The following NAV2 variants were observed in gnomAD, a reference collection of about 807,000 sequenced individuals.
The protein encoded by NAV2 is neuron navigator 2, also known as helicase, APC down-regulated 1.
In NAV2, 54 loss-of-function variants were observed where a neutral mutation model predicts 223.2. The ratio of observed to expected loss-of-function variants is 0.24; its 90% confidence interval spans 0.19 to 0.30. The LOEUF (loss-of-function observed/expected upper bound fraction) is 0.30. Ranked by LOEUF, NAV2 falls within the 10% of genes least tolerant of loss-of-function variation. The pLI is 1.00. For synonymous variants in NAV2, 1,279 were observed against 1,239.3 expected, an observed-to-expected ratio of 1.03 and a Z score of -0.67; for missense variants, 2,806 against 3,147.5, an observed-to-expected ratio of 0.89 and a Z score of 2.60.
chr11:20,053,032 C>T (rs1047694509), intron 17 of NAV2, among the ~76,000 whole-genome samples: 2 of 151,836 alleles, frequency 1.3e-5, no homozygotes, highest in Non-Finnish European at 2.9e-5. Context: ...GCCTGGCCAA[C>T]ATGGTAAAAC....
chr11:19,935,853 T>TTTTTTTTTG (rs1565594487), intron 7 of NAV2, among the ~76,000 whole-genome samples: 1 of 87,976 alleles, frequency 1.1e-5, no homozygotes, highest in Non-Finnish European at 2.4e-5. Flanking sequence ...TTGTTTCTGT[T>TTTTTTTTTG]TTTTTTTTTT....
In NAV2 at chr11:19,933,486, A is replaced by C; in HGVS notation, c.1242A>C (p.Ser414=). Residue 414 remains serine (S), a synonymous_variant, in exon 7 of 38, where the codon TCA becomes TCC. Transcript: ENST00000349880. The surrounding 1 kb of genome is among the most constrained non-coding windows in gnomAD (Gnocchi z 4.3). ...KLKLFNSKGG[S]KAGEGPGSRD... is the part of the protein sequence containing the mutation. ...AACTTTTCAACAGTAAAGGGGGCTCAAAGGCAGGTGAGGGGCCGGGGTCCC... is the reference window on the plus strand; with the variant it reads ...AACTTTTCAACAGTAAAGGGGGCTCCAAGGCAGGTGAGGGGCCGGGGTCCC... 6.2e-7 allele frequency: 1 copy of C among 1,611,056 alleles called. No individual in the cohort carries two copies. The highest frequency in any genetic ancestry group is 8.5e-7 in the Non-Finnish European group (1 of 1,178,812).
chr11:19,795,877 G>A (rs1394212565), intron 1 of NAV2, among the ~76,000 whole-genome samples: 1 of 152,202 alleles, frequency 6.6e-6, no homozygotes, highest in Admixed American at 6.5e-5. Flanking sequence ...CTTGGCCATA[G>A]GCATGGTTAG....
chr11:19,689,148 A>G (rs2049099996), intron 1 of NAV2, among the ~76,000 whole-genome samples: 1 of 152,172 alleles, frequency 6.6e-6, no homozygotes, highest in Non-Finnish European at 1.5e-5. Flanking sequence ...GTCAAGGCAA[A>G]GTTGCTCTAG....
chr11:19,618,435 T>C (rs1372197547), intron 1 of NAV2, among the ~76,000 whole-genome samples: 3 of 148,830 alleles, frequency 2.0e-5, no homozygotes, highest in African/African-American at 7.5e-5. Context: ...GATGGATGGA[T>C]GGACGGATGG....
chr11:20,108,304 C>G (rs2062316687), intron 36 of NAV2, among the ~76,000 whole-genome samples: 1 of 152,136 alleles, frequency 6.6e-6, no homozygotes, highest in South Asian at 2.1e-4. Flanking sequence ...GAATCCATGC[C>G]TTCTGGGTCA....
chr11:19,625,810 CA>C (rs1292120451), intron 1 of NAV2, among the ~76,000 whole-genome samples: 2 of 152,040 alleles, frequency 1.3e-5, no homozygotes, highest in African/African-American at 4.8e-5. Context: ...TGATGTTGAA[CA>C]TTTTTTTTCA....
At chr11:19,728,506 G>A (rs1394070558) in intron 1 of NAV2, among the ~76,000 whole-genome samples, 1 of 152,172 alleles carries the variant, frequency 6.6e-6, no homozygotes, top group East Asian at 1.9e-4. Context: ...GGAAAAGAGC[G>A]AGTGGTCATT....
At chr11:19,384,832 A>G (rs1382817662) in intron 1 of NAV2, 5 of 152,184 alleles carry the variant, frequency 3.3e-5, no homozygotes, top group Non-Finnish European at 7.3e-5. Flanking sequence ...GCTATCCCTG[A>G]GCTGGGACCC....
chr11:19,603,221 C>T (rs1031900152), intron 1 of NAV2, among the ~76,000 whole-genome samples: 1 of 152,116 alleles, frequency 6.6e-6, no homozygotes, highest in East Asian at 1.9e-4. Context: ...GTAAGCAGAT[C>T]CTTCTGGCTG....
intron 8 of NAV2, among the ~76,000 whole-genome samples, chr11:19,944,140 G>T (rs768695040): frequency 1.3e-5 from 2 of 152,204 alleles, no homozygotes; most frequent in African/African-American, 2.4e-5. Context: ...GGTGGAGGTT[G>T]CAGTGAGCTG....
At position 19,618,535 on chromosome 11, in the gene NAV2, TGGA is replaced by T. The variant is rs879662982; in HGVS notation, c.76-213948_76-213946del. On this transcript the variant is annotated intron_variant, in intron 1 of 37. Transcript: ENST00000360655. ...ATGGATGGATGGATGGATGGATGGATGGATGGGTCCCTGGTGACTCAAGGCTCA... is the reference window on the plus strand; with the variant it reads ...ATGGATGGATGGATGGATGGATGGATTGGGTCCCTGGTGACTCAAGGCTCA... Among the ~76,000 whole-genome samples the T allele has an allele frequency of 4.4e-3, 662 of 151,966 alleles. 1 individual carries two copies. Among genetic ancestry groups the T allele is most frequent in the Non-Finnish European group, 7.5e-3 (513 of 67,950 alleles).
chr11:19,866,497 A>G (rs2062101309), intron 3 of NAV2, among the ~76,000 whole-genome samples: 1 of 152,264 alleles, frequency 6.6e-6, no homozygotes, highest in Admixed American at 6.5e-5. Flanking sequence ...TTCTTTTAAT[A>G]GAATCGGACA....
chr11:19,517,381 T>C (rs1240084003), intron 1 of NAV2, among the ~76,000 whole-genome samples: 3 of 152,226 alleles, frequency 2.0e-5, no homozygotes, highest in Admixed American at 6.5e-5. Context: ...CTCTAGAGTT[T>C]TGATTTCTTC....
At chr11:19,624,691 C>A (rs2047111212) in intron 1 of NAV2, among the ~76,000 whole-genome samples, 1 of 152,210 alleles carries the variant, frequency 6.6e-6, no homozygotes, top group Non-Finnish European at 1.5e-5. Flanking sequence ...TTCCATGACC[C>A]CTTGTGCTTC....
chr11:19,906,313 G>C (rs761110176), intron 6 of NAV2, among the ~76,000 whole-genome samples: 6 of 152,194 alleles, frequency 3.9e-5, no homozygotes, highest in Non-Finnish European at 7.3e-5. Context: ...TCTTCATTCT[G>C]TTGGCCAAAC....
intron 1 of NAV2, among the ~76,000 whole-genome samples, chr11:19,814,878 A>G (rs554614874): frequency 1.3e-5 from 2 of 152,266 alleles, no homozygotes; most frequent in South Asian, 4.2e-4. Context: ...CCTAAAACTT[A>G]TCCTTCTCCC....
intron 22 of NAV2, among the ~76,000 whole-genome samples, chr11:20,068,962 G>A (rs2059221468): frequency 6.6e-6 from 1 of 152,078 alleles, no homozygotes; most frequent in Admixed American, 6.5e-5. Context: ...CAGTCTCTGG[G>A]ACAGCAGAGA....
chr11:19,627,718 A>G (rs1395428311), intron 1 of NAV2, among the ~76,000 whole-genome samples: 1 of 151,966 alleles, frequency 6.6e-6, no homozygotes, highest in Non-Finnish European at 1.5e-5. Flanking sequence ...GTAAGAGAAC[A>G]TGCCCCCTTC....
Sources: allele counts gnomAD v4.1 joint callset (sites outside exome capture counted in the v4.1 genomes callset), GRCh38; gene constraint gnomAD v4.1.1; non-coding constraint Gnocchi (gnomAD v3.1); transcripts MANE v1.5; gene names NCBI Gene and HGNC (gene_info 2026-07-23, HGNC 2026-07-21).